Variants in WDR90 observed in about 807,000 individuals in gnomAD.
WDR90 encodes WD repeat-containing protein 90.
Under a neutral mutation model 195.2 loss-of-function variants are expected in WDR90, and 238 were observed. The ratio of observed to expected loss-of-function variants is 1.22; its 90% CI spans 1.10 to 1.36. The LOEUF (loss-of-function observed/expected upper bound fraction) is 1.36. Ranked by LOEUF, WDR90 falls within the 40% of genes most tolerant of loss-of-function variation. The pLI is 0.00. For synonymous variants in WDR90, 1,265 were observed against 1,052.4 expected (o/e 1.20, Z -3.91); for missense variants, 2,734 against 2,439.5 (o/e 1.12, Z -2.54).
intron 28 of WDR90, 92 bp downstream of exon 28, chr16:660,806 A>G: frequency 7.3e-7 from 1 of 1,369,452 alleles, no homozygotes. Flanking sequence ...CTGGTGGCAA[A>G]TGAGCGCCAG....
chr16:658,591 A>C lies in WDR90; in HGVS notation c.2833A>C (p.Ile945Leu), dbSNP rs2037813960. The part of the protein sequence containing the change: ...TLSEDARFLL[I>L]AAGRTIKVWD... ...CAGTGAGGACGCCCGCTTCCTGCTG[A>C]TTGCCGCCGGCCGGACCATCAAGGT... Residue 945 changes from isoleucine to leucine, a missense_variant, in exon 23 of 41, where the codon ATT (isoleucine) becomes CTT (leucine). Physicochemically the swap from Ile to Leu is conservative, Grantham distance 5 (BLOSUM62 2). Transcript: ENST00000293879. 5 of 1,612,536 alleles carry C rather than the reference A, an allele frequency of 3.1e-6. No individual in the cohort carries two copies. The highest frequency in any genetic ancestry group is 1.3e-5 in the African/African-American group (1 of 74,920).
chr16:652,458 C>A lies in WDR90; in HGVS notation c.1054-9C>A. 1 of 1,599,474 alleles carries A rather than the reference C, an allele frequency of 6.3e-7. No individual in the cohort carries two copies. Among genetic ancestry groups the A allele is most frequent in the South Asian group, 1.1e-5 (1 of 89,772 alleles). On this transcript the variant is annotated splice_polypyrimidine_tract_variant and intron_variant, in intron 9 of 40. Coordinates refer to ENST00000293879, the MANE Select transcript of WDR90 (RefSeq NM_145294.5). ...CCTCCCAGGACTTTGATGCGAATGG[C>A]TGTTTCAGGGCTTCCTCCCAGACCC...
rs760116651 is a variant in WDR90, at chr16:656,727, C to T, written c.2203-5C>T. 2 of 1,611,458 alleles carry T rather than the reference C, an allele frequency of 1.2e-6. No individual in the cohort carries two copies. Among genetic ancestry groups the T allele is most frequent in the Non-Finnish European group, 1.7e-6 (2 of 1,179,026 alleles). On this transcript the variant is annotated splice_polypyrimidine_tract_variant and splice_region_variant and intron_variant, in intron 18 of 40. Transcript: ENST00000293879. Reference sequence around the variant, plus strand: ...CCTCCCCTCAGCACGGCCCCTGTCCCACAGCTATACGACTTCACATCATCA... The same window carrying T: ...CCTCCCCTCAGCACGGCCCCTGTCCTACAGCTATACGACTTCACATCATCA...
At position 660,165 on chromosome 16, in the gene WDR90, G is replaced by T. The variant is rs745430988; in HGVS notation, c.3288+4G>T. ...CTGCAGCCCCCACTCTGCCAAGGTGGGGAGTGGTTTCTGGGAGCCCTCTTT... is the reference window on the plus strand; with the variant it reads ...CTGCAGCCCCCACTCTGCCAAGGTGTGGAGTGGTTTCTGGGAGCCCTCTTT... On this transcript the variant is annotated splice_donor_region_variant and intron_variant, in intron 27 of 40. Coordinates refer to ENST00000293879, the MANE Select transcript of WDR90 (RefSeq NM_145294.5). 29 of 1,514,882 alleles carry T rather than the reference G, an allele frequency of 1.9e-5. No individual in the cohort carries two copies. The African/African-American group carries it at 3.8e-4, about 20-fold the overall frequency. The allele number at this position is 1,514,882 out of a possible 1,614,324, so 93.8% of individuals were successfully genotyped here.
Position 656,092 on chromosome 16 carries a change from TG to T in WDR90, c.1966+206del, listed in dbSNP as rs1175419853. On this transcript the variant is annotated intron_variant, in intron 17 of 40. Coordinates refer to ENST00000293879, the MANE Select transcript of WDR90 (RefSeq NM_145294.5). ...GGGGCAGCCTCACGGAAGGGCCCGG[TG>T]GGACGTGGGTAGTGTGTGAAGCCCC... is the stretch of plus-strand genomic sequence containing the variant. 2.9e-5 allele frequency: 22 copies of T among 761,780 alleles called. No individual in the cohort carries two copies. In the Admixed American group the frequency reaches 6.1e-4, roughly 21 times the overall value. The allele number at this position is 761,780 out of a possible 1,614,324, so 47.2% of individuals were successfully genotyped here. A position where few individuals can be genotyped will look rare whatever the true frequency, so the allele number is the denominator to read the frequency against.
In WDR90 at chr16:653,794, C is replaced by A; in HGVS notation, c.1428C>A (p.His476Gln). 6.2e-7 allele frequency: 1 copy of A among 1,613,168 alleles called. No individual in the cohort carries two copies. The highest frequency in any genetic ancestry group is 8.5e-7 in the Non-Finnish European group (1 of 1,179,970). ...TCTGCGGGGTTGGCAAGGACCACCACGGGAGGACGGTAACAGGGCCCTGGC... is the reference window on the plus strand; with the variant it reads ...TCTGCGGGGTTGGCAAGGACCACCAAGGGAGGACGGTAACAGGGCCCTGGC... ...ALLCGVGKDH[H>Q]GRTMVVAWGT... Residue 476 changes from histidine (H) to glutamine (Q), a missense_variant, in exon 13 of 41, where the codon CAC becomes CAA. By Grantham distance (24) the His-to-Gln change is conservative. Coordinates refer to ENST00000293879, the MANE Select transcript of WDR90 (RefSeq NM_145294.5).
chr16:653,902 C>T, intron 13 of WDR90, 99 bp downstream of exon 13: 2 of 1,450,178 alleles, frequency 1.4e-6, no homozygotes, highest in South Asian at 2.5e-5. Context: ...TCATGTGACC[C>T]TGGGTCCCTG....
chr16:666,279 G>A lies in WDR90; in HGVS notation c.4669G>A (p.Gly1557Arg). ...CGTGGCTGTGAGCCACCCCTGCACA[G>A]GGACAACCTTCCGTGTGCTGAGTGA... ...GLVAVSHPCT[G>R]TTFRVLSDHQ... The change falls in exon 37 of 41, where the codon GGG (glycine) becomes AGG (arginine). Residue 1557 changes from glycine to arginine, a missense_variant. Gly to Arg is a moderately radical substitution (Grantham distance 125, BLOSUM62 -2). Coordinates refer to ENST00000293879, the MANE Select transcript of WDR90 (RefSeq NM_145294.5). The A allele has an allele frequency of 6.2e-7, 1 of 1,612,740 alleles. No homozygotes were observed. Among genetic ancestry groups the A allele is most frequent in the Non-Finnish European group, 8.5e-7 (1 of 1,179,992 alleles).
intron 34 of WDR90, 119 bp from the exon 35 acceptor site, chr16:665,560 G>A (rs2151385181): frequency 2.0e-6 from 3 of 1,530,734 alleles, no homozygotes; most frequent in South Asian, 2.2e-5. Flanking sequence ...GTTGGCCGGG[G>A]CCAGAGGCAC....
At chr16:657,935 A>G (rs1437318840) in intron 21 of WDR90, 43 bp downstream of exon 21, 1 of 1,506,400 alleles carries the variant, frequency 6.6e-7, no homozygotes, top group South Asian at 1.3e-5. Context: ...CTGGGCCATG[A>G]GAGGCTGGCT....
intron 34 of WDR90, among the ~76,000 whole-genome samples, chr16:664,648 G>T (rs2037986185): frequency 6.6e-6 from 1 of 152,024 alleles, no homozygotes; most frequent in Non-Finnish European, 1.5e-5. Flanking sequence ...GTCCTGGTCT[G>T]AGTCCCTGCA....
At position 661,751 on chromosome 16, in the gene WDR90, G is replaced by T; in HGVS notation, c.3828G>T (p.Trp1276Cys). Residue 1276 changes from tryptophan (W) to cysteine (C), a missense_variant, in exon 31 of 41, where the codon TGG becomes TGT. Trp to Cys is a radical substitution (Grantham distance 215, BLOSUM62 -2). Transcript: ENST00000293879. ...TGGGCCAGGGCACTGTCACCTTCTG[G>T]CTCCTTCAGCAGCGTGGGGCAGACA... The part of the protein sequence containing the change: ...TCVGQGTVTF[W>C]LLQQRGADIS... 1 of 1,609,514 alleles carries T rather than the reference G, an allele frequency of 6.2e-7. No homozygotes were observed. The highest frequency in any genetic ancestry group is 8.5e-7 in the Non-Finnish European group (1 of 1,178,236).
At chr16:664,468 T>C (rs533554860) in intron 34 of WDR90, among the ~76,000 whole-genome samples, 5 of 152,246 alleles carry the variant, frequency 3.3e-5, no homozygotes, top group Admixed American at 2.6e-4. Context: ...GAAATTCGGG[T>C]CCTGAGACCG....
In WDR90 at chr16:661,379, C is replaced by G. The variant is rs1402759800; in HGVS notation, c.3551C>G (p.Ala1184Gly). Residue 1184 changes from alanine to glycine, a missense_variant, in exon 30 of 41, where the codon GCC becomes GGC. Physicochemically the swap from Ala to Gly is moderately conservative, Grantham distance 60 (BLOSUM62 0). Coordinates refer to ENST00000293879, the MANE Select transcript of WDR90 (RefSeq NM_145294.5). Reference sequence around the variant, plus strand: ...GCCTCGGGCCGAAGCAGCACGACCGCCCATTGTCAGATCCGCGTCTGGGAC... The same window carrying G: ...GCCTCGGGCCGAAGCAGCACGACCGGCCATTGTCAGATCCGCGTCTGGGAC... The part of the protein sequence containing the change: ...ASASGRSSTT[A>G]HCQIRVWDVS... The G allele has an allele frequency of 2.5e-6, 4 of 1,610,722 alleles. No individual in the cohort carries two copies. The highest frequency in any genetic ancestry group is 3.4e-6 in the Non-Finnish European group (4 of 1,179,768).
chr16:652,586 C>T (rs772726697), intron 10 of WDR90, 51 bp downstream of exon 10: 27 of 1,548,752 alleles, frequency 1.7e-5, no homozygotes, highest in African/African-American at 1.1e-4. Context: ...CCGGCTCGAG[C>T]GCTGAGTACA....
At position 650,099 on chromosome 16, in the gene WDR90, T is replaced by C; in HGVS notation, c.211T>C (p.Tyr71His). 1 of 1,613,066 alleles carries C rather than the reference T, an allele frequency of 6.2e-7. No homozygotes were observed. The highest frequency in any genetic ancestry group is 1.1e-5 in the South Asian group (1 of 91,088). ...CCAGTCTCTGGGGCTGACGGGACGA[T>C]ACCTGTATGTGCTCTTTCGGCCCCT... Reference protein sequence around the residue: ...STQSLGLTGRYLYVLFRPLPS... With the variant: ...STQSLGLTGRHLYVLFRPLPS... The change falls in exon 3 of 41, where the codon TAC becomes CAC. Residue 71 changes from tyrosine (Y) to histidine (H), a missense_variant. By Grantham distance (83) the Tyr-to-His change is moderately conservative (BLOSUM62 2). Coordinates refer to ENST00000293879, the MANE Select transcript of WDR90 (RefSeq NM_145294.5).
intron 13 of WDR90, chr16:654,054 A>G (rs1342594306): frequency 1.8e-6 from 1 of 545,556 alleles, no homozygotes; most frequent in Non-Finnish European, 3.2e-6. Flanking sequence ...CAGCGTTTAC[A>G]CACCTCGCCT....
chr16:656,745 C>A lies in WDR90; in HGVS notation c.2216C>A (p.Thr739Lys). 6.2e-7 allele frequency: 1 copy of A among 1,613,068 alleles called. No individual in the cohort carries two copies. Among genetic ancestry groups the A allele is most frequent in the Non-Finnish European group, 8.5e-7 (1 of 1,179,882 alleles). The change falls in exon 19 of 41, where the codon ACA (threonine) becomes AAA (lysine). Residue 739 changes from threonine to lysine, a missense_variant. By Grantham distance (78) the Thr-to-Lys change is moderately conservative (BLOSUM62 -1). Coordinates refer to ENST00000293879, the MANE Select transcript of WDR90 (RefSeq NM_145294.5). Reference sequence around the variant, plus strand: ...CCTGTCCCACAGCTATACGACTTCACATCATCAGAGGACGCCCCGTGCGCT... The same window carrying A: ...CCTGTCCCACAGCTATACGACTTCAAATCATCAGAGGACGCCCCGTGCGCT... ...LATLQQLYDF[T>K]SSEDAPCAVT...
chr16:651,754 A>T lies in WDR90; in HGVS notation c.840+7A>T, dbSNP rs760590009. 6.2e-7 allele frequency: 1 copy of T among 1,612,756 alleles called. No homozygotes were observed. Among genetic ancestry groups the T allele is most frequent in the East Asian group, 2.2e-5 (1 of 44,874 alleles). On this transcript the variant is annotated splice_region_variant and intron_variant, in intron 8 of 40. Transcript: ENST00000293879. ...GACGCCCAGCCCCACAGCCGTGAGT[A>T]CCCCCTTCGCCCTATGAGATGGGGT... is the stretch of plus-strand genomic sequence containing the variant.
Sources: allele counts gnomAD v4.1 joint callset (sites outside exome capture counted in the v4.1 genomes callset), GRCh38; gene constraint gnomAD v4.1.1; transcripts MANE v1.5; gene names NCBI Gene and HGNC (gene_info 2026-07-23, HGNC 2026-07-21).